Variants in NLN observed in about 807,000 individuals in gnomAD.
The protein encoded by NLN is neurolysin, mitochondrial.
Under a neutral mutation model 79.9 loss-of-function variants are expected in NLN, and 64 were observed. The ratio of observed to expected loss-of-function variants is 0.80; its 90% CI spans 0.65 to 0.99. NLN has a LOEUF of 0.99. Ranked by LOEUF, NLN falls within the 50% of genes least tolerant of loss-of-function variation. The pLI is 0.00. For missense variants in NLN, 835 were observed against 858.7 expected (o/e 0.97, Z 0.34); for synonymous variants, 267 against 296.6 (o/e 0.90, Z 1.02).
At chr5:65,757,370 G>A (rs1759242663) in intron 1 of NLN, among the ~76,000 whole-genome samples, 1 of 152,124 alleles carries the variant, frequency 6.6e-6, no homozygotes, top group African/African-American at 2.4e-5. Flanking sequence ...AATCCTACCT[G>A]TGACCCTACA....
chr5:65,806,188 C>T (rs577911841), intron 9 of NLN, among the ~76,000 whole-genome samples: 1 of 152,326 alleles, frequency 6.6e-6, no homozygotes, highest in South Asian at 2.1e-4. Context: ...GTTTTCATGC[C>T]TGCTAACACA....
In NLN at chr5:65,723,931, T is replaced by C. The variant is rs181290532; in HGVS notation, c.41+1517T>C. Among the ~76,000 whole-genome samples the C allele has an allele frequency of 1.5e-4, 23 of 152,014 alleles. No homozygotes were observed. The East Asian group carries it at 4.4e-3, about 29-fold the overall frequency. ...TCTGTTTGTGTGGTATATCTGTCTA[T>C]ATTTACCATATTAGACATTAAAGCT... is the stretch of plus-strand genomic sequence containing the variant. On this transcript the variant is annotated intron_variant, in intron 1 of 12. Coordinates refer to ENST00000380985, the MANE Select transcript of NLN (RefSeq NM_020726.5).
intron 9 of NLN, among the ~76,000 whole-genome samples, chr5:65,795,043 TG>T (rs1205466843): frequency 6.6e-6 from 1 of 152,058 alleles, no homozygotes; most frequent in Non-Finnish European, 1.5e-5. Flanking sequence ...CTTTCTTAGG[TG>T]TTTTTAAAAT....
intron 1 of NLN, among the ~76,000 whole-genome samples, chr5:65,748,696 T>G (rs1759037641): frequency 6.6e-6 from 1 of 152,008 alleles, no homozygotes; most frequent in Admixed American, 6.6e-5. Context: ...GAGGCTGCAA[T>G]GAGTTATAAT....
chr5:65,750,099 C>T (rs1424887937), intron 1 of NLN, among the ~76,000 whole-genome samples: 1 of 152,190 alleles, frequency 6.6e-6, no homozygotes, highest in Non-Finnish European at 1.5e-5. Flanking sequence ...CAAGGAAGGG[C>T]ACAGGCAGGG....
intron 1 of NLN, among the ~76,000 whole-genome samples, chr5:65,748,292 A>G (rs1759029624): frequency 6.6e-6 from 1 of 152,210 alleles, no homozygotes; most frequent in African/African-American, 2.4e-5. Flanking sequence ...GGATTAAAGG[A>G]CTGGAGTTCT....
chr5:65,815,605 G>T (rs1029911660), intron 12 of NLN, among the ~76,000 whole-genome samples: 1 of 151,998 alleles, frequency 6.6e-6, no homozygotes, highest in Non-Finnish European at 1.5e-5. Flanking sequence ...GGCACTTCCT[G>T]ATCCTCTGCT....
rs1301515826 is a variant in NLN, at chr5:65,756,453, T to C, written c.42-2114T>C. On this transcript the variant is annotated intron_variant, in intron 1 of 12. Transcript: ENST00000380985. ...AATCATTCCGATTCCTCCTATTTCC[T>C]AGTTTTATATACTTTAATCATGAGC... Among the ~76,000 whole-genome samples the C allele has an allele frequency of 1.3e-5, 2 of 152,172 alleles. 1 individual carries two copies. Among genetic ancestry groups the C allele is most frequent in the East Asian group, 3.8e-4 (2 of 5,198 alleles).
rs138715335 is a variant in NLN at position 65,797,352 on chromosome 5, C to T, written c.1527+4697C>T. The stretch of plus-strand genomic sequence containing the variant: ...GTGAAAGGGATGGGCAGAAGAACTT[C>T]AAATTGTGTGACATGAAATCATTAA... On this transcript the variant is annotated intron_variant, in intron 9 of 12. Transcript: ENST00000380985. Among the ~76,000 whole-genome samples, 181 of 152,306 alleles carry T rather than the reference C, an allele frequency of 1.2e-3. 1 individual carries two copies. The highest frequency in any genetic ancestry group is 3.8e-3 in the African/African-American group (158 of 41,568).
chr5:65,731,946 T>G (rs961803704), intron 1 of NLN, among the ~76,000 whole-genome samples: 1 of 151,782 alleles, frequency 6.6e-6, no homozygotes, highest in African/African-American at 2.4e-5. Flanking sequence ...AGACAAGGTT[T>G]CACCATGTTG....
rs1561218699 is a variant in NLN, at chr5:65,825,185, A to AG, written c.*2272dup. 1 of 152,206 alleles carries AG rather than the reference A, an allele frequency of 6.6e-6. No homozygotes were observed. Among genetic ancestry groups the AG allele is most frequent in the East Asian group, 1.9e-4 (1 of 5,202 alleles). The allele number at this position is 152,206 out of a possible 1,614,324, so 9.4% of individuals were successfully genotyped here. A position where few individuals can be genotyped will look rare whatever the true frequency, so the allele number is the denominator to read the frequency against. The stretch of plus-strand genomic sequence containing the variant: ...AATTCTCTAGCATAATTCAAAAGAA[A>AG]GGACTTAACTTTTTTTTTTTTAGTG... On this transcript the variant is annotated 3_prime_UTR_variant, in exon 13 of 13. Coordinates refer to ENST00000380985, the MANE Select transcript of NLN (RefSeq NM_020726.5).
intron 9 of NLN, chr5:65,809,253 G>A (rs180964249): frequency 1.8e-5 from 6 of 324,722 alleles, no homozygotes; most frequent in African/African-American, 8.5e-5. Context: ...TTCAGTTCTG[G>A]TTTTCTGATG....
intron 1 of NLN, among the ~76,000 whole-genome samples, chr5:65,755,143 C>A (rs1420829045): frequency 6.6e-6 from 1 of 152,108 alleles, no homozygotes; most frequent in Non-Finnish European, 1.5e-5. Context: ...TATTCCATTT[C>A]TTCCTATCTC....
chr5:65,754,142 T>C (rs1759164687), intron 1 of NLN, among the ~76,000 whole-genome samples: 1 of 152,210 alleles, frequency 6.6e-6, no homozygotes, highest in South Asian at 2.1e-4. Flanking sequence ...GATTTCATCA[T>C]AGAGGGGACT....
rs189254011 is a variant in NLN at position 65,765,175 on chromosome 5, G to A, written c.450+2067G>A. On this transcript the variant is annotated intron_variant, in intron 3 of 12. Transcript: ENST00000380985. ...AGGCAGGCAGATCACTTGAGCTCGG[G>A]AGTTCAAGACCAGCTTGGGCAATAT... Among the ~76,000 whole-genome samples, 13 of 151,852 alleles carry A rather than the reference G, an allele frequency of 8.6e-5. No homozygotes were observed. In the South Asian group the frequency reaches 1.0e-3, roughly 12 times the overall value.
At chr5:65,755,493 A>G (rs1185729233) in intron 1 of NLN, among the ~76,000 whole-genome samples, 1 of 152,190 alleles carries the variant, frequency 6.6e-6, no homozygotes, top group Non-Finnish European at 1.5e-5. Context: ...AATCTTTCAT[A>G]AGGACAAGTT....
At position 65,737,263 on chromosome 5, in the gene NLN, A is replaced by G. The variant is rs116693865; in HGVS notation, c.41+14849A>G. ...TTTATCCCCTCACTTAAAGGGGGTC[A>G]AAAAGTAAACTAATAAATCTCTAAA... On this transcript the variant is annotated intron_variant, in intron 1 of 12. Transcript: ENST00000380985. Among the ~76,000 whole-genome samples, 1,497 of 152,322 alleles carry G rather than the reference A, an allele frequency of 9.8e-3. 22 individuals carry two copies. The highest frequency in any genetic ancestry group is 0.034 in the African/African-American group (1,413 of 41,574).
chr5:65,792,246 C>A (rs564830076), intron 8 of NLN, among the ~76,000 whole-genome samples: 1 of 152,158 alleles, frequency 6.6e-6, no homozygotes, highest in Non-Finnish European at 1.5e-5. Context: ...AAAGAAACTT[C>A]GGAGCTCACA....
intron 1 of NLN, among the ~76,000 whole-genome samples, chr5:65,741,917 TAGA>T (rs1251094422): frequency 2.6e-5 from 4 of 152,192 alleles, no homozygotes; most frequent in Admixed American, 6.5e-5. Flanking sequence ...TATACAAAAT[TAGA>T]AGAAAATTAA....
Sources: allele counts gnomAD v4.1 joint callset (sites outside exome capture counted in the v4.1 genomes callset), GRCh38; gene constraint gnomAD v4.1.1; transcripts MANE v1.5; gene names NCBI Gene and HGNC (gene_info 2026-07-23, HGNC 2026-07-21).